The following NEB variants were observed in gnomAD, a reference collection of about 807,000 sequenced individuals.
NEB encodes the protein nemaline myopathy type 2.
Under a neutral mutation model 952.2 loss-of-function variants are expected in NEB, and 512 were observed. That is an observed-to-expected ratio of 0.54 (90% CI 0.50 to 0.58). The LOEUF is 0.58. Among genes scored for constraint, NEB ranks in the 20% least tolerant of loss-of-function variants. The pLI is 0.00. For missense variants in NEB, 8,428 were observed against 9,231.1 expected, an observed-to-expected ratio of 0.91 and a Z score of 3.56; for synonymous variants, 2,900 against 3,149.8, an observed-to-expected ratio of 0.92 and a Z score of 2.66.
rs1285651436 is a variant in NEB at position 151,614,567 on chromosome 2, G to A, written c.11310C>T (p.Tyr3770=). The part of the protein sequence containing the change: ...IASDYKYKEG[Y]RKQLGHHIGA... ...CAATATGGTGGCCAAGCTGTTTGCG[G>A]TAGCCTTCCTTGTACTTGTACTAAA... The change falls in exon 77 of 182, where the codon TAC becomes TAT. Residue 3770 remains tyrosine (Y), a synonymous_variant. Coordinates refer to ENST00000397345, the MANE Select transcript of NEB (RefSeq NM_001164508.2). 1.9e-5 allele frequency: 30 copies of A among 1,613,414 alleles called. No homozygotes were observed. Among genetic ancestry groups the A allele is most frequent in the Non-Finnish European group, 2.5e-5 (29 of 1,179,616 alleles).
At chr2:151,706,474 C>T (rs957336258) in intron 13 of NEB, among the ~76,000 whole-genome samples, 2 of 152,118 alleles carry the variant, frequency 1.3e-5, no homozygotes, top group African/African-American at 2.4e-5. Context: ...GACTTAGGGG[C>T]CCATCTTTTA....
chr2:151,496,972 C>T lies in NEB; in HGVS notation c.24362G>A (p.Arg8121Lys), dbSNP rs751440474. 1.3e-6 allele frequency: 2 copies of T among 1,580,676 alleles called. No individual in the cohort carries two copies. The highest frequency in any genetic ancestry group is 1.7e-6 in the Non-Finnish European group (2 of 1,161,088). Residue 8121 changes from arginine (R) to lysine (K), a missense_variant, in exon 172 of 182, where the codon AGA becomes AAA. Arg to Lys is a conservative substitution (Grantham distance 26). Coordinates refer to ENST00000397345, the MANE Select transcript of NEB (RefSeq NM_001164508.2). The stretch of plus-strand genomic sequence containing the variant: ...AATATTTTCTTGATTGTGTTTGACT[C>T]TCTCCATCTCAGGAGTGACAGGTAG... ...TPLPVTPEME[R>K]VKHNQENISS...
At chr2:151,663,931 G>A in intron 44 of NEB, 72 bp from the exon 45 acceptor site, 1 of 1,461,712 alleles carries the variant, frequency 6.8e-7, no homozygotes, top group Non-Finnish European at 9.4e-7. Flanking sequence ...TAGGTGATGT[G>A]AGCTTTGTCT....
chr2:151,632,755 C>A (rs1048879624), intron 65 of NEB, among the ~76,000 whole-genome samples: 1 of 151,838 alleles, frequency 6.6e-6, no homozygotes, highest in African/African-American at 2.4e-5. Context: ...AAATACTTCC[C>A]ACATTATGAA....
At position 151,724,795 on chromosome 2, in the gene NEB, A is replaced by G. The variant is rs200950755; in HGVS notation, c.507+62T>C. ...CAGGCCTGTCCAATTTTCTCCTATAAGACAATGCAGAGGTGATGCACATGC... is the reference window on the plus strand; with the variant it reads ...CAGGCCTGTCCAATTTTCTCCTATAGGACAATGCAGAGGTGATGCACATGC... On this transcript the variant is annotated intron_variant, in intron 7 of 181. Transcript: ENST00000397345. 1,542 of 1,411,286 alleles carry G rather than the reference A, an allele frequency of 1.1e-3. 3 individuals carry two copies. Among genetic ancestry groups the G allele is most frequent in the Admixed American group, 1.5e-3 (86 of 55,986 alleles). 87.4% of individuals were successfully genotyped at this position (1,411,286 alleles called of 1,614,324 possible). A position where few individuals can be genotyped will look rare whatever the true frequency, so the allele number is the denominator to read the frequency against.
In NEB at chr2:151,592,141, G is replaced by A; in HGVS notation, c.14722-3C>T. 2 of 1,549,536 alleles carry A rather than the reference G, an allele frequency of 1.3e-6. No individual in the cohort carries two copies. Among genetic ancestry groups the A allele is most frequent in the South Asian group, 2.4e-5 (2 of 83,970 alleles). On this transcript the variant is annotated splice_region_variant and splice_polypyrimidine_tract_variant and intron_variant, in intron 94 of 181. Transcript: ENST00000397345. ...TCCCAGGCATTGCGATACAATGGCT[G>A]GGAAAAATGAAAAACGATGGAATGG...
intron 92 of NEB, among the ~76,000 whole-genome samples, chr2:151,595,340 C>T (rs1271672790): frequency 5.3e-5 from 8 of 151,854 alleles, no homozygotes; most frequent in Non-Finnish European, 1.2e-4. Flanking sequence ...AAACCTCCGC[C>T]TCCCAGGTTC....
At chr2:151,548,272 C>T (rs747936582) in intron 131 of NEB, 36 bp downstream of exon 131, 38 of 1,502,540 alleles carry the variant, frequency 2.5e-5, no homozygotes, top group Admixed American at 8.4e-5. Flanking sequence ...GCTATTGAAA[C>T]TCAATATGTC....
chr2:151,614,491 C>A lies in NEB; in HGVS notation c.11386G>T (p.Ala3796Ser). ...DPKMMWSIHV[A>S]KIQSDREYKK... ...TACTCCCTGTCACTCTGGATCTTGG[C>A]CACATGGATGGACCACATCATCTTC... The change falls in exon 77 of 182, where the codon GCC becomes TCC. Residue 3796 changes from alanine (A) to serine (S), a missense_variant. Ala to Ser is a moderately conservative substitution (Grantham distance 99). Transcript: ENST00000397345. The A allele has an allele frequency of 6.2e-7, 1 of 1,613,930 alleles. No individual in the cohort carries two copies. The highest frequency in any genetic ancestry group is 8.5e-7 in the Non-Finnish European group (1 of 1,179,862).
Position 151,503,112 on chromosome 2 carries a change from G to A in NEB, c.23836-227C>T, listed in dbSNP as rs1011483311. 52 of 585,666 alleles carry A rather than the reference G, an allele frequency of 8.9e-5. No individual in the cohort carries two copies. In the African/African-American group the frequency reaches 9.6e-4, roughly 11 times the overall value. The allele number at this position is 585,666 out of a possible 1,614,324, so 36.3% of individuals were successfully genotyped here. On this transcript the variant is annotated intron_variant, in intron 166 of 181. Transcript: ENST00000397345. ...AAGCATTAAGTTATATAACGCTGAG[G>A]AATCTTGTTAATTCTACTTATAGTA...
At position 151,570,096 on chromosome 2, in the gene NEB, G is replaced by T. The variant is rs555516831; in HGVS notation, c.17415C>A (p.Tyr5805Ter). 1 of 1,609,074 alleles carries T rather than the reference G, an allele frequency of 6.2e-7. No homozygotes were observed. The highest frequency in any genetic ancestry group is 8.5e-7 in the Non-Finnish European group (1 of 1,177,712). ...QNDVIQAKKA[Y>*]ELQSDNVYKA... The stretch of plus-strand genomic sequence containing the variant: ...GCCCACTCACATCGCTCTGCAGTTC[G>T]TAGGCCTTCTTGGCCTGAATCACAT... The change falls in exon 109 of 182, where the codon TAC (tyrosine) becomes TAA (stop). Residue 5805 changes from tyrosine to a stop codon, truncating the protein, a stop_gained. Coordinates refer to ENST00000397345, the MANE Select transcript of NEB (RefSeq NM_001164508.2). LOFTEE classifies it high-confidence loss of function.
rs757938145 is a variant in NEB at position 151,497,602 on chromosome 2, TTTTTTC to T, written c.24300+18_24300+23del. ...TTTTCAAAATCATTAAATAAGTAGT[TTTTTTC>T]TTTTCTTGCCAAAGTACCGAGCTAA... is the stretch of plus-strand genomic sequence containing the variant. On this transcript the variant is annotated intron_variant, in intron 171 of 181. Transcript: ENST00000397345. 3.9e-6 allele frequency: 6 copies of T among 1,549,794 alleles called. No homozygotes were observed. In the African/African-American group the frequency reaches 8.2e-5, roughly 21 times the overall value.
rs1440532058 is a variant in NEB at position 151,551,753 on chromosome 2, G to A, written c.19929C>T (p.Tyr6643=). The change falls in exon 129 of 182, where the codon TAC becomes TAT. Residue 6643 remains tyrosine, a synonymous_variant. Coordinates refer to ENST00000397345, the MANE Select transcript of NEB (RefSeq NM_001164508.2). ...TVDLDRALHA[Y]KLQSSNLYKT... ...CACTGCTCACCGAACTCTGGAGCTT[G>A]TATGCATGAAGGGCCCGGTCCAGAT... 1.2e-6 allele frequency: 2 copies of A among 1,613,352 alleles called. No individual in the cohort carries two copies. The highest frequency in any genetic ancestry group is 2.2e-5 in the East Asian group (1 of 44,810).
intron 10 of NEB, among the ~76,000 whole-genome samples, chr2:151,716,376 A>G (rs1216262585): frequency 6.6e-6 from 1 of 152,154 alleles, no homozygotes; most frequent in Non-Finnish European, 1.5e-5. Flanking sequence ...CTGACAGGTG[A>G]TCAACCCACC....
In NEB at chr2:151,724,863, G is replaced by A. The variant is rs746411559; in HGVS notation, c.501C>T (p.Val167=). 10 of 1,612,892 alleles carry A rather than the reference G, an allele frequency of 6.2e-6. No homozygotes were observed. The highest frequency in any genetic ancestry group is 5.1e-6 in the Non-Finnish European group (6 of 1,179,312). ...IEHAKKVSQQ[V]SKVLYKQNWE... ...ATCCATATCATTGCCTTACCTTACTGACTTGCTGCGACACTTTCTTTGCAT... is the reference window on the plus strand; with the variant it reads ...ATCCATATCATTGCCTTACCTTACTAACTTGCTGCGACACTTTCTTTGCAT... The change falls in exon 7 of 182, where the codon GTC becomes GTT. Residue 167 remains valine, a synonymous_variant. Transcript: ENST00000397345.
rs748239538 is a variant in NEB, at chr2:151,694,393, A to G, written c.1826T>C (p.Ile609Thr). 13 of 1,613,868 alleles carry G rather than the reference A, an allele frequency of 8.1e-6. 1 individual carries two copies. In the East Asian group the frequency reaches 1.3e-4, roughly 17 times the overall value. ...ATCGTCATTAATGCTGAGGACTCCA[A>G]TCATTTTCCCTTTGTTTTTTTCATA... ...KDYEKNKGKM[I>T]GVLSINDDPK... Residue 609 changes from isoleucine (I) to threonine (T), a missense_variant, in exon 20 of 182, where the codon ATT becomes ACT. Transcript: ENST00000397345.
At chr2:151,547,119 G>C (rs898944271) in intron 133 of NEB, among the ~76,000 whole-genome samples, 2 of 152,100 alleles carry the variant, frequency 1.3e-5, no homozygotes, top group Non-Finnish European at 2.9e-5. Flanking sequence ...ACATGACCTG[G>C]GATGGAGGCC....
intron 169 of NEB, 139 bp from the exon 170 acceptor site, chr2:151,498,491 C>CTGTT (rs967938602): frequency 1.9e-5 from 12 of 620,838 alleles, no homozygotes; most frequent in Non-Finnish European, 3.4e-5. Flanking sequence ...TAGACTCAAC[C>CTGTT]TGTTTGTTTG....
At chr2:151,680,067 A>G in intron 30 of NEB, 45 bp from the exon 31 acceptor site, 1 of 1,353,910 alleles carries the variant, frequency 7.4e-7, no homozygotes. Flanking sequence ...AAGTAGAAAG[A>G]AAATTTAATG....
Sources: gnomAD v4.1 joint callset for allele counts (sites outside exome capture counted in the v4.1 genomes callset) on GRCh38, gnomAD v4.1.1 for gene constraint, MANE v1.5 for transcripts, NCBI Gene and HGNC (gene_info 2026-07-23, HGNC 2026-07-21) for gene names.